SORCS2: variants seen among roughly 807,000 people sequenced by gnomAD.
SORCS2 encodes the protein VPS10 domain-containing receptor SorCS2.
SORCS2 carries 100 observed loss-of-function variants against 141.6 expected under a neutral mutation model. That is an observed-to-expected ratio of 0.71 (90% CI 0.60 to 0.83). The LOEUF (loss-of-function observed/expected upper bound fraction) is 0.83, where lower values mean the gene tolerates loss of function less well. SORCS2 is among the 40% of genes least tolerant of loss of function. The pLI, the probability that SORCS2 is intolerant of heterozygous loss-of-function variation, is 0.00. For synonymous variants in SORCS2, 789 were observed against 676.9 expected, an observed-to-expected ratio of 1.17 and a Z score of -2.57; for missense variants, 1,646 against 1,560.2, an observed-to-expected ratio of 1.05 and a Z score of -0.93.
chr4:7,341,775 G>A (rs1447351164), intron 1 of SORCS2, among the ~76,000 whole-genome samples: 4 of 152,190 alleles, frequency 2.6e-5, no homozygotes, highest in Admixed American at 1.3e-4. Flanking sequence ...TTCACAGTGT[G>A]TGCAGTCACC....
At chr4:7,483,030 A>T (rs943448844) in intron 2 of SORCS2, among the ~76,000 whole-genome samples, 1 of 152,180 alleles carries the variant, frequency 6.6e-6, no homozygotes, top group African/African-American at 2.4e-5. Context: ...CCTTATGAAA[A>T]AAAGGAGAGG....
intron 3 of SORCS2, among the ~76,000 whole-genome samples, chr4:7,573,954 G>C (rs1715567748): frequency 6.6e-6 from 1 of 152,216 alleles, no homozygotes; most frequent in South Asian, 2.1e-4. Flanking sequence ...GTCCACTCAG[G>C]GTACTTGGTC....
At chr4:7,616,426 TCCTCCATC>T (rs371490897) in intron 3 of SORCS2, among the ~76,000 whole-genome samples, 6 of 151,970 alleles carry the variant, frequency 3.9e-5, no homozygotes, top group African/African-American at 1.2e-4. Context: ...CATCCACTTA[TCCTCCATC>T]CATCCATCCA....
intron 2 of SORCS2, among the ~76,000 whole-genome samples, chr4:7,490,754 G>T (rs1731268199): frequency 6.6e-6 from 1 of 152,164 alleles, no homozygotes; most frequent in Admixed American, 6.5e-5. Context: ...GGCTATGCCT[G>T]TGAGGCCCTC....
intron 2 of SORCS2, among the ~76,000 whole-genome samples, chr4:7,440,393 A>G (rs555824911): frequency 3.9e-5 from 6 of 152,352 alleles, no homozygotes; most frequent in African/African-American, 1.4e-4. Context: ...AAGGGAGAGC[A>G]CGAATAGGAA....
rs145451817 is a variant in SORCS2, at chr4:7,503,893, A to C, written c.549-27637A>C. ...AAGCGTAAGCAGCCTCTGGGTTGGCAGCGTCGGGGGGCTGAGGTTTTGGTG... is the reference window on the plus strand; with the variant it reads ...AAGCGTAAGCAGCCTCTGGGTTGGCCGCGTCGGGGGGCTGAGGTTTTGGTG... On this transcript the variant is annotated intron_variant, in intron 2 of 26. Transcript: ENST00000507866. Among the ~76,000 whole-genome samples the C allele has an allele frequency of 2.8e-3, 421 of 152,280 alleles. 6 individuals are homozygous for C. The highest frequency in any genetic ancestry group is 9.0e-3 in the African/African-American group (374 of 41,568).
At chr4:7,666,501 G>A (rs535632123) in intron 7 of SORCS2, among the ~76,000 whole-genome samples, 132 of 152,302 alleles carry the variant, frequency 8.7e-4, no homozygotes, top group African/African-American at 2.8e-3. Context: ...AGCCTGTGCT[G>A]GGATGGGAGA....
intron 2 of SORCS2, among the ~76,000 whole-genome samples, chr4:7,482,901 G>A (rs1375467646): frequency 6.6e-6 from 1 of 152,218 alleles, no homozygotes; most frequent in African/African-American, 2.4e-5. Flanking sequence ...GGCTCCCTCT[G>A]AAATTCACAC....
chr4:7,237,900 G>T (rs2108785453), intron 1 of SORCS2, among the ~76,000 whole-genome samples: 1 of 152,190 alleles, frequency 6.6e-6, no homozygotes, highest in South Asian at 2.1e-4. Flanking sequence ...CATCTGAAAT[G>T]TGTGTGCCGT....
At chr4:7,196,306 C>T (rs1348938426) in intron 1 of SORCS2, among the ~76,000 whole-genome samples, 1 of 152,212 alleles carries the variant, frequency 6.6e-6, no homozygotes. Flanking sequence ...CCCTTGGAGG[C>T]AGCGGTGCTA....
At chr4:7,485,956 G>C (rs1213397940) in intron 2 of SORCS2, among the ~76,000 whole-genome samples, 1 of 152,188 alleles carries the variant, frequency 6.6e-6, no homozygotes, top group Non-Finnish European at 1.5e-5. Flanking sequence ...AACCCAGCGG[G>C]CTGGGGGCAC....
chr4:7,392,287 A>G lies in SORCS2; in HGVS notation c.481-4001A>G, dbSNP rs180689752. Among the ~76,000 whole-genome samples, 581 of 150,774 alleles carry G rather than the reference A, an allele frequency of 3.9e-3. 14 individuals carry two copies. The highest frequency in any genetic ancestry group is 0.035 in the Admixed American group (539 of 15,206). On this transcript the variant is annotated intron_variant, in intron 1 of 26. Transcript: ENST00000507866. ...TGAAGGAGCCCTGGGCCTCCAGGAC[A>G]GGGCATGTTCCCCACCCTTAGGTGT...
At chr4:7,309,736 CGGGGACGAGAG>C (rs1718063172) in intron 1 of SORCS2, among the ~76,000 whole-genome samples, 1 of 152,104 alleles carries the variant, frequency 6.6e-6, no homozygotes, top group Non-Finnish European at 1.5e-5. Flanking sequence ...CAAGCGTGGG[CGGGGACGAGAG>C]TTGGCCCAGC....
intron 3 of SORCS2, among the ~76,000 whole-genome samples, chr4:7,559,778 AG>A (rs1464777227): frequency 1.3e-5 from 2 of 152,256 alleles, no homozygotes; most frequent in African/African-American, 4.8e-5. Flanking sequence ...TGGTTGTACA[AG>A]ATGAACAAAC....
intron 2 of SORCS2, among the ~76,000 whole-genome samples, chr4:7,529,770 G>A (rs938168456): frequency 3.9e-5 from 6 of 152,154 alleles, no homozygotes; most frequent in South Asian, 2.1e-4. Flanking sequence ...CTCTCTCTGC[G>A]TCCTTCCCAA....
intron 3 of SORCS2, among the ~76,000 whole-genome samples, chr4:7,605,480 C>T (rs1299434369): frequency 6.6e-6 from 1 of 152,168 alleles, no homozygotes. Context: ...CCAGGGCTAG[C>T]TCAGCTCTCT....
chr4:7,464,335 C>A (rs1198153349), intron 2 of SORCS2, among the ~76,000 whole-genome samples: 3 of 152,110 alleles, frequency 2.0e-5, no homozygotes, highest in Non-Finnish European at 4.4e-5. Context: ...AATAGAAGTT[C>A]ACCAGGGGGA....
At chr4:7,213,080 C>T (rs1020610529) in intron 1 of SORCS2, among the ~76,000 whole-genome samples, 2 of 152,280 alleles carry the variant, frequency 1.3e-5, no homozygotes, top group African/African-American at 4.8e-5. Flanking sequence ...GGCAGGGCCA[C>T]ACCCATCCCC....
At position 7,733,335 on chromosome 4, in the gene SORCS2, T is replaced by TA; in HGVS notation, c.3122_3123insA (p.Gln1042ProfsTer31). On this transcript the variant is annotated frameshift_variant, in exon 24 of 27. Transcript: ENST00000507866. LOFTEE classifies it high-confidence loss of function. ...CTGTGCTTGCAGAGGCTCGCCGCCA[T>TA]CCAGCAGGTGCTGAACGCACAGAAG... 6.4e-7 allele frequency: 1 copy of TA among 1,555,356 alleles called. No individual in the cohort carries two copies. Among genetic ancestry groups the TA allele is most frequent in the Non-Finnish European group, 8.7e-7 (1 of 1,151,414 alleles).
Sources: allele counts gnomAD v4.1 joint callset (sites outside exome capture counted in the v4.1 genomes callset), GRCh38; gene constraint gnomAD v4.1.1; transcripts MANE v1.5; gene names NCBI Gene and HGNC (gene_info 2026-07-23, HGNC 2026-07-21).